Variants in RBFOX1 observed in about 807,000 individuals in gnomAD.
The protein encoded by RBFOX1 is RNA binding fox-1 homolog 1.
In RBFOX1, 8 loss-of-function variants were observed where a neutral mutation model predicts 57.7. The observed-to-expected ratio is 0.14, with a 90% CI of 0.08 to 0.25. RBFOX1 has a LOEUF of 0.25. Among genes scored for constraint, RBFOX1 ranks in the 10% least tolerant of loss-of-function variants. The pLI, the probability that RBFOX1 is intolerant of heterozygous loss-of-function variation, is 1.00. For synonymous variants in RBFOX1, 326 were observed against 222.4 expected (o/e 1.47, Z -4.15); for missense variants, 611 against 548.5 (o/e 1.11, Z -1.14).
At chr16:7,236,486 C>G (rs530580084) in intron 4 of RBFOX1, among the ~76,000 whole-genome samples, 2 of 152,104 alleles carry the variant, frequency 1.3e-5, no homozygotes, top group South Asian at 2.1e-4. Context: ...CTCCATGGTT[C>G]CTAAATGCAT....
At chr16:6,103,101 C>T (rs1463782500) in intron 1 of RBFOX1, among the ~76,000 whole-genome samples, 1 of 152,166 alleles carries the variant, frequency 6.6e-6, no homozygotes, top group Non-Finnish European at 1.5e-5. Context: ...AGGAGATGAA[C>T]AGTAGCACTG....
At chr16:5,791,270 A>G (rs567088707) in intron 3 of RBFOX1, among the ~76,000 whole-genome samples, 33 of 152,340 alleles carry the variant, frequency 2.2e-4, no homozygotes, top group Non-Finnish European at 3.5e-4. Flanking sequence ...TGTATTTTCT[A>G]TCGCACTAAA....
intron 1 of RBFOX1, among the ~76,000 whole-genome samples, chr16:6,306,259 G>A (rs942572671): frequency 4.6e-5 from 7 of 152,112 alleles, no homozygotes; most frequent in African/African-American, 1.7e-4. Context: ...AATCAAAGGA[G>A]GCTTTGCTAG....
At chr16:7,562,094 T>A (rs913393531) in intron 5 of RBFOX1, among the ~76,000 whole-genome samples, 2 of 152,126 alleles carry the variant, frequency 1.3e-5, no homozygotes, top group African/African-American at 4.8e-5. Context: ...ATTGCTAAGC[T>A]AGAGAACAAT....
At chr16:5,997,418 A>G (rs1596370170) in intron 4 of RBFOX1, among the ~76,000 whole-genome samples, 1 of 152,242 alleles carries the variant, frequency 6.6e-6, no homozygotes, top group South Asian at 2.1e-4. Context: ...GATTGATGGT[A>G]TAATTAAAAA....
chr16:5,338,880 C>G (rs2064965139), intron 1 of RBFOX1, among the ~76,000 whole-genome samples: 1 of 152,138 alleles, frequency 6.6e-6, no homozygotes. Flanking sequence ...TGACCTCAAG[C>G]AATCCTCCTG....
rs1448031367 is a variant in RBFOX1, at chr16:6,712,582, T to C, written c.-16+57932T>C. Reference sequence around the variant, plus strand: ...ACACCCAAGCTTCAGTCCAATGTCATCCATGGCAAGATAATATAATTTAAT... The same window carrying C: ...ACACCCAAGCTTCAGTCCAATGTCACCCATGGCAAGATAATATAATTTAAT... On this transcript the variant is annotated intron_variant, in intron 3 of 15. Transcript: ENST00000550418. Among the ~76,000 whole-genome samples the C allele has an allele frequency of 2.6e-5, 4 of 152,166 alleles. No individual in the cohort carries two copies. The East Asian group carries it at 7.7e-4, about 29-fold the overall frequency.
chr16:7,064,164 T>C (rs1299763360), intron 4 of RBFOX1, among the ~76,000 whole-genome samples: 3 of 11,424 alleles, frequency 2.6e-4, no homozygotes, highest in East Asian at 0.01. Context: ...TGGTGTTCTT[T>C]TTTTTTTTTT....
rs554523616 is a variant in RBFOX1 at position 5,326,097 on chromosome 16, T to A, written c.219+85992T>A. ...AGACAGCAGTGTATGAGAGTTCCAG[T>A]TGCTCCACATCCTTGTCAGCACTTG... On this transcript the variant is annotated intron_variant, in intron 1 of 2. Transcript: ENST00000585867. 7.5e-3 allele frequency among the ~76,000 whole-genome samples: 1,137 copies of A among 152,342 alleles called. 8 individuals carry two copies. The highest frequency in any genetic ancestry group is 0.017 in the Middle Eastern group (5 of 294).
chr16:7,132,219 G>C (rs143404396), intron 4 of RBFOX1, among the ~76,000 whole-genome samples: 2 of 152,054 alleles, frequency 1.3e-5, no homozygotes, highest in African/African-American at 2.4e-5. Flanking sequence ...GACTTCGACT[G>C]ATCTGCCTGT....
chr16:5,801,333 C>CT (rs2055048405), intron 3 of RBFOX1, among the ~76,000 whole-genome samples: 4 of 120,464 alleles, frequency 3.3e-5, no homozygotes, highest in East Asian at 2.5e-4. Flanking sequence ...CTCTCTCCCT[C>CT]CCTCTCTCTT....
chr16:6,657,744 C>T (rs773519684), intron 3 of RBFOX1, among the ~76,000 whole-genome samples: 27 of 152,086 alleles, frequency 1.8e-4, no homozygotes, highest in Non-Finnish European at 2.6e-4. Context: ...GTCTCTGAAG[C>T]GGCAGCCTCT....
chr16:7,595,965 A>C (rs993747017), intron 8 of RBFOX1, among the ~76,000 whole-genome samples: 11 of 151,740 alleles, frequency 7.2e-5, no homozygotes, highest in African/African-American at 2.4e-4. Flanking sequence ...AATAGACAGT[A>C]TTGCAAACCA....
chr16:6,059,961 A>T (rs1567355134), intron 1 of RBFOX1, among the ~76,000 whole-genome samples: 2 of 152,118 alleles, frequency 1.3e-5, no homozygotes, highest in South Asian at 4.1e-4. Context: ...CAGATGAAGG[A>T]CATTCTGGCT....
intron 4 of RBFOX1, among the ~76,000 whole-genome samples, chr16:7,188,371 A>C (rs1231187965): frequency 2.6e-5 from 4 of 152,186 alleles, no homozygotes; most frequent in African/African-American, 7.2e-5. Context: ...ATATTTTCTG[A>C]ATGGGGTTTT....
At chr16:7,126,997 C>T (rs1056778608) in intron 4 of RBFOX1, among the ~76,000 whole-genome samples, 4 of 121,608 alleles carry the variant, frequency 3.3e-5, no homozygotes, top group African/African-American at 6.8e-5. Flanking sequence ...CGTGACAGAG[C>T]GAGAATCCGT....
At chr16:6,776,430 A>C (rs2079362966) in intron 3 of RBFOX1, among the ~76,000 whole-genome samples, 1 of 150,968 alleles carries the variant, frequency 6.6e-6, no homozygotes, top group South Asian at 2.1e-4. Flanking sequence ...CAAAAAACAA[A>C]AAACAAACAA....
chr16:6,694,028 T>C (rs1251643525), intron 3 of RBFOX1, among the ~76,000 whole-genome samples: 1 of 152,252 alleles, frequency 6.6e-6, no homozygotes, highest in Non-Finnish European at 1.5e-5. Context: ...TATTGTAATA[T>C]AGGCATGTGT....
chr16:6,545,741 G>A (rs371505495), intron 2 of RBFOX1, among the ~76,000 whole-genome samples: 18 of 152,336 alleles, frequency 1.2e-4, no homozygotes, highest in African/African-American at 4.3e-4. Flanking sequence ...CTTATAATGT[G>A]CATTTTCCCA....
Sources: gnomAD v4.1 joint callset for allele counts (sites outside exome capture counted in the v4.1 genomes callset) on GRCh38, gnomAD v4.1.1 for gene constraint, MANE v1.5 for transcripts, NCBI Gene and HGNC (gene_info 2026-07-23, HGNC 2026-07-21) for gene names.